ZNF790: variants seen among roughly 807,000 people sequenced by gnomAD.
The protein encoded by ZNF790 is zinc finger protein 790.
ZNF790 carries 8 observed loss-of-function variants against 12.1 expected under a neutral mutation model. The ratio of observed to expected loss-of-function variants is 0.66; its 90% CI spans 0.39 to 1.19. The LOEUF (loss-of-function observed/expected upper bound fraction) is 1.19, where lower values mean the gene tolerates loss of function less well. Among genes scored for constraint, ZNF790 ranks in the 50% most tolerant of loss-of-function variants. The pLI is 0.01. For missense variants in ZNF790, 707 were observed against 752.2 expected (o/e 0.94, Z 0.70); for synonymous variants, 252 against 244.3 (o/e 1.03, Z -0.29).
intron 1 of ZNF790, chr19:36,837,541 CAG>C (rs1258942345): frequency 2.6e-5 from 4 of 152,318 alleles, no homozygotes; most frequent in East Asian, 1.9e-4. Context: ...CTACCAAACA[CAG>C]GGTATTTTCC....
At chr19:36,840,212 C>T (rs1172606188), upstream of ZNF790, among the ~76,000 whole-genome samples, 1 of 152,130 alleles carries the variant, frequency 6.6e-6, no homozygotes, top group Non-Finnish European at 1.5e-5. Context: ...GAAAGGTATG[C>T]CCATCCAGCC....
intron 1 of ZNF790, among the ~76,000 whole-genome samples, chr19:36,830,797 T>C (rs2071931263): frequency 6.6e-6 from 1 of 152,214 alleles, no homozygotes; most frequent in African/African-American, 2.4e-5. Flanking sequence ...GAAAATCTAT[T>C]ACATCCTCTC....
intron 2 of ZNF790, among the ~76,000 whole-genome samples, chr19:36,825,242 C>G (rs750196827): frequency 6.6e-6 from 1 of 152,240 alleles, no homozygotes; most frequent in Non-Finnish European, 1.5e-5. Flanking sequence ...TTAAATGAAA[C>G]ATCCCATTCT....
upstream of ZNF790, among the ~76,000 whole-genome samples, chr19:36,840,554 C>T (rs1474234288): frequency 3.9e-5 from 6 of 152,098 alleles, no homozygotes; most frequent in African/African-American, 1.4e-4. Flanking sequence ...CTAACACATA[C>T]CAGAATTTCA....
chr19:36,819,185 C>T lies in ZNF790; in HGVS notation c.1159G>A (p.Val387Ile), dbSNP rs2071610062. 1 of 1,613,762 alleles carries T rather than the reference C, an allele frequency of 6.2e-7. No individual in the cohort carries two copies. Among genetic ancestry groups the T allele is most frequent in the Non-Finnish European group, 8.5e-7 (1 of 1,179,938 alleles). ...TTATAAGGTTTCCTACCAACATGAACATTCTGATGTTGAGCAAGATTTGAA... is the reference window on the plus strand; with the variant it reads ...TTATAAGGTTTCCTACCAACATGAATATTCTGATGTTGAGCAAGATTTGAA... ...RGSNLAQHQN[V>I]HVGRKPYKCE... Residue 387 changes from valine (V) to isoleucine (I), a missense_variant, in exon 5 of 5, where the codon GTT becomes ATT. Coordinates refer to ENST00000356725, the MANE Select transcript of ZNF790 (RefSeq NM_206894.4).
At chr19:36,846,437 C>T (rs1367462150) in intron 1 of ZNF790, among the ~76,000 whole-genome samples, 4 of 152,068 alleles carry the variant, frequency 2.6e-5, no homozygotes, top group Non-Finnish European at 5.9e-5. Flanking sequence ...TGGTGGCAGG[C>T]GCCTGCAGTC....
intron 1 of ZNF790, among the ~76,000 whole-genome samples, chr19:36,834,183 C>T (rs545639910): frequency 1.0e-4 from 14 of 133,880 alleles, no homozygotes; most frequent in Non-Finnish European, 2.0e-4. Flanking sequence ...GCAGAGCTTG[C>T]GGTGAGCCGA....
chr19:36,836,461 A>ACACAC (rs1555716979), intron 1 of ZNF790, among the ~76,000 whole-genome samples: 2 of 151,802 alleles, frequency 1.3e-5, no homozygotes, highest in Non-Finnish European at 2.9e-5. Flanking sequence ...CTAAAAAAAA[A>ACACAC]ACACACACAC....
At chr19:36,820,892 CT>C (rs1161286902) in intron 4 of ZNF790, among the ~76,000 whole-genome samples, 2,903 of 126,972 alleles carry the variant, frequency 0.023, 78 homozygotes, top group African/African-American at 0.055. Context: ...GAGACCCTGT[CT>C]TTTTTTTTTT....
chr19:36,839,817 C>T (rs777620918), upstream of ZNF790, among the ~76,000 whole-genome samples: 1 of 151,910 alleles, frequency 6.6e-6, no homozygotes, highest in African/African-American at 2.4e-5. Context: ...AATCCCAGCA[C>T]TTTGGGAGGC....
chr19:36,831,112 C>G (rs2071936914), intron 1 of ZNF790, among the ~76,000 whole-genome samples: 1 of 149,682 alleles, frequency 6.7e-6, no homozygotes, highest in African/African-American at 2.5e-5. Flanking sequence ...GCACTTCAGC[C>G]TAGCAACAGA....
chr19:36,841,517 G>A (rs994981923), upstream of ZNF790, among the ~76,000 whole-genome samples: 6 of 151,830 alleles, frequency 4.0e-5, no homozygotes, highest in African/African-American at 1.5e-4. Context: ...CTACTCAGGA[G>A]GCTGAGACAT....
intron 1 of ZNF790, among the ~76,000 whole-genome samples, chr19:36,834,335 A>T (rs932926119): frequency 5.3e-5 from 8 of 151,892 alleles, no homozygotes; most frequent in African/African-American, 1.7e-4. Context: ...CTGACAAGGG[A>T]CTCATTCAGA....
At chr19:36,821,810 C>T (rs1003930588) in intron 4 of ZNF790, among the ~76,000 whole-genome samples, 1 of 152,102 alleles carries the variant, frequency 6.6e-6, no homozygotes, top group Non-Finnish European at 1.5e-5. Context: ...TTTTGAACTC[C>T]TGACCTCAGG....
rs1190418524 is a variant in ZNF790, at chr19:36,825,674, G to A, written c.-55C>T. On this transcript the variant is annotated 5_prime_UTR_variant, in exon 2 of 5. Transcript: ENST00000356725. ...CTCTGGATTCTTTCTTGGTGAGGCAGCGTGCTGGGAAAGCAGAGCTAGAAG... is the reference window on the plus strand; with the variant it reads ...CTCTGGATTCTTTCTTGGTGAGGCAACGTGCTGGGAAAGCAGAGCTAGAAG... The A allele has an allele frequency of 6.2e-7, 1 of 1,600,088 alleles. No homozygotes were observed. Among genetic ancestry groups the A allele is most frequent in the East Asian group, 2.2e-5 (1 of 44,818 alleles).
In ZNF790 at chr19:36,818,110, A is replaced by C; in HGVS notation, c.*323T>G. The C allele has an allele frequency of 5.8e-6, 1 of 173,860 alleles. No individual in the cohort carries two copies. The highest frequency in any genetic ancestry group is 5.6e-5 in the Admixed American group (1 of 17,770). The allele number at this position is 173,860 out of a possible 1,614,324, so 10.8% of individuals were successfully genotyped here. Reference sequence around the variant, plus strand: ...AGTGCTAGGATAACAGGTGTGAGCCACCATGCTTGGCCAAATTATATATAA... The same window carrying C: ...AGTGCTAGGATAACAGGTGTGAGCCCCCATGCTTGGCCAAATTATATATAA... On this transcript the variant is annotated 3_prime_UTR_variant, in exon 5 of 5. Transcript: ENST00000356725.
intron 1 of ZNF790, among the ~76,000 whole-genome samples, chr19:36,835,112 C>T (rs1251507357): frequency 6.6e-6 from 1 of 151,962 alleles, no homozygotes; most frequent in African/African-American, 2.4e-5. Context: ...GTGGTGAAAC[C>T]ACGTGTCTAC....
rs2071624903 is a variant in ZNF790 at position 36,819,750 on chromosome 19, A to G, written c.594T>C (p.Cys198=). The part of the protein sequence containing the change: ...HQLIHTSEKF[C]GDKECGNTFL... ...AGGTATTCCCACATTCTTTATCTCC[A>G]CAGAATTTCTCACTTGTGTGAATTA... The change falls in exon 5 of 5, where the codon TGT becomes TGC. Residue 198 remains cysteine, a synonymous_variant. Transcript: ENST00000356725. 1.2e-6 allele frequency: 2 copies of G among 1,613,604 alleles called. No homozygotes were observed. Among genetic ancestry groups the G allele is most frequent in the Admixed American group, 1.7e-5 (1 of 59,926 alleles).
chr19:36,823,745 A>C lies in ZNF790; in HGVS notation c.55T>G (p.Trp19Gly), dbSNP rs773715749. ...CTCTGTTCCAGGTCCAGGCACTCCC[A>C]CTCCTCCTGAGAGAAATCTACAGCC... ...DVAVDFSQEE[W>G]ECLDLEQRDL... Residue 19 changes from tryptophan (W) to glycine (G), a missense_variant, in exon 3 of 5, where the codon TGG becomes GGG. By Grantham distance (184) the Trp-to-Gly change is radical (BLOSUM62 -2). Coordinates refer to ENST00000356725, the MANE Select transcript of ZNF790 (RefSeq NM_206894.4). The C allele has an allele frequency of 3.7e-6, 6 of 1,612,914 alleles. No homozygotes were observed. In the East Asian group the frequency reaches 8.9e-5, roughly 24 times the overall value.
Sources: allele counts gnomAD v4.1 joint callset (sites outside exome capture counted in the v4.1 genomes callset), GRCh38; gene constraint gnomAD v4.1.1; transcripts MANE v1.5; gene names NCBI Gene and HGNC (gene_info 2026-07-23, HGNC 2026-07-21).